ERC2: variants seen among roughly 807,000 people sequenced by gnomAD.
The protein encoded by ERC2 is ELKS/RAB6-interacting/CAST family member 2, also known as ERC protein 2.
A neutral mutation model predicts 114.8 loss-of-function variants in ERC2; 42 were observed. That is an observed-to-expected ratio of 0.37 (90% CI 0.29 to 0.47). The LOEUF (loss-of-function observed/expected upper bound fraction) is 0.47, where lower values mean the gene tolerates loss of function less well. Among genes scored for constraint, ERC2 ranks in the 20% least tolerant of loss-of-function variants. The pLI is 0.99. For missense variants in ERC2, 939 were observed against 1,150.7 expected, an observed-to-expected ratio of 0.82 and a Z score of 2.66; for synonymous variants, 454 against 425.5, an observed-to-expected ratio of 1.07 and a Z score of -0.82.
At chr3:55,718,004 G>C (rs1326601063) in intron 15 of ERC2, among the ~76,000 whole-genome samples, 1 of 152,134 alleles carries the variant, frequency 6.6e-6, no homozygotes, top group East Asian at 1.9e-4. Flanking sequence ...GGAGATGTCG[G>C]GATAATTTTG....
chr3:55,876,092 G>A (rs1465438894), intron 14 of ERC2, among the ~76,000 whole-genome samples: 1 of 152,166 alleles, frequency 6.6e-6, no homozygotes, highest in Non-Finnish European at 1.5e-5. Flanking sequence ...TTTATTGAAT[G>A]TTTAGGAGGG....
chr3:55,856,376 T>C (rs889911534), intron 14 of ERC2, among the ~76,000 whole-genome samples: 1 of 152,230 alleles, frequency 6.6e-6, no homozygotes, highest in Non-Finnish European at 1.5e-5. Flanking sequence ...ACTCGTCCAA[T>C]GCAGAACAGA....
chr3:56,441,304 C>T (rs2062294757), intron 1 of ERC2, among the ~76,000 whole-genome samples: 1 of 152,176 alleles, frequency 6.6e-6, no homozygotes, highest in Non-Finnish European at 1.5e-5. Flanking sequence ...CAGCCCAGCC[C>T]AGCCACCGTC....
At chr3:56,211,473 C>T (rs1377266285) in intron 3 of ERC2, among the ~76,000 whole-genome samples, 1 of 152,040 alleles carries the variant, frequency 6.6e-6, no homozygotes, top group Non-Finnish European at 1.5e-5. Flanking sequence ...CAAATGGAAA[C>T]ATATCCCATG....
At chr3:56,233,143 G>A (rs1222455204) in intron 3 of ERC2, among the ~76,000 whole-genome samples, 5 of 152,222 alleles carry the variant, frequency 3.3e-5, no homozygotes, top group African/African-American at 1.2e-4. Flanking sequence ...AGTGCCTGTA[G>A]ATGCTCAATC....
intron 16 of ERC2, among the ~76,000 whole-genome samples, chr3:55,693,772 G>A (rs1402844939): frequency 1.3e-5 from 2 of 151,544 alleles, no homozygotes; most frequent in South Asian, 2.1e-4. Context: ...GCAATGGCGC[G>A]ATCTCAGCTC....
intron 16 of ERC2, among the ~76,000 whole-genome samples, chr3:55,695,241 T>C (rs2062866752): frequency 6.6e-6 from 1 of 152,234 alleles, no homozygotes. Flanking sequence ...TTGGACTTTA[T>C]TGTTTCTCAA....
At chr3:56,107,520 A>G (rs560437861) in intron 6 of ERC2, among the ~76,000 whole-genome samples, 1 of 152,220 alleles carries the variant, frequency 6.6e-6, no homozygotes, top group South Asian at 2.1e-4. Context: ...CCTCATCTGA[A>G]AAAATGATGG....
intron 14 of ERC2, chr3:55,852,444 G>A (rs2061612922): frequency 6.5e-6 from 1 of 154,694 alleles, no homozygotes; most frequent in Admixed American, 6.6e-5. Context: ...TAACAGAAGA[G>A]GCACAACAGC....
chr3:56,310,607 G>A (rs1004779156), intron 2 of ERC2, among the ~76,000 whole-genome samples: 4 of 135,986 alleles, frequency 2.9e-5, no homozygotes, highest in African/African-American at 1.1e-4. Flanking sequence ...TCTAGTCCTT[G>A]CTACTTTAAA....
intron 17 of ERC2, among the ~76,000 whole-genome samples, chr3:55,610,136 CCAGA>C (rs1391451569): frequency 4.0e-4 from 60 of 149,966 alleles, no homozygotes; most frequent in Non-Finnish European, 7.4e-5. Context: ...AAGTTTTGGG[CCAGA>C]CAATTATTTG....
At chr3:56,285,032 T>TACACAC (rs10575135) in intron 3 of ERC2, among the ~76,000 whole-genome samples, 156 of 106,866 alleles carry the variant, frequency 1.5e-3, no homozygotes, top group African/African-American at 3.6e-3. Flanking sequence ...CACACACACA[T>TACACAC]ACACACACAC....
intron 17 of ERC2, among the ~76,000 whole-genome samples, chr3:55,583,399 TTTCC>T (rs568033136): frequency 0.13 from 11,311 of 86,376 alleles, 839 homozygotes; most frequent in Middle Eastern, 0.17. Context: ...TCCTTCCTTC[TTTCC>T]TTCCTTCCTT....
intron 6 of ERC2, among the ~76,000 whole-genome samples, chr3:56,126,820 G>GGAAAGGAAAC: frequency 6.8e-6 from 1 of 147,396 alleles, no homozygotes; most frequent in Non-Finnish European, 1.5e-5. Context: ...GGAAAGGAAA[G>GGAAAGGAAAC]GAAAGGAAAG....
intron 13 of ERC2, 140 bp from the exon 14 acceptor site, chr3:55,888,689 C>T (rs1002917874): frequency 1.0e-6 from 1 of 988,196 alleles, no homozygotes. Flanking sequence ...GGAGCCCTTT[C>T]TTTCTTTGTC....
intron 14 of ERC2, among the ~76,000 whole-genome samples, chr3:55,760,450 G>T (rs2067356513): frequency 6.6e-6 from 1 of 152,102 alleles, no homozygotes; most frequent in African/African-American, 2.4e-5. Flanking sequence ...CTTCACTTTA[G>T]TTCAGAAACA....
At chr3:55,744,463 G>C (rs996260762) in intron 14 of ERC2, among the ~76,000 whole-genome samples, 1 of 152,084 alleles carries the variant, frequency 6.6e-6, no homozygotes, top group African/African-American at 2.4e-5. Flanking sequence ...CAAACAAAAA[G>C]AAGTGCAACT....
chr3:55,580,554 G>A (rs1352001386), intron 17 of ERC2, among the ~76,000 whole-genome samples: 2 of 152,100 alleles, frequency 1.3e-5, no homozygotes, highest in South Asian at 4.1e-4. Context: ...GCTTTCATAA[G>A]GGTGCTGGCT....
chr3:55,749,703 G>A (rs1575476656), intron 14 of ERC2, among the ~76,000 whole-genome samples: 1 of 152,142 alleles, frequency 6.6e-6, no homozygotes, highest in African/African-American at 2.4e-5. Context: ...GAACATGGGC[G>A]GGGACAATAA....
Sources: gnomAD v4.1 joint callset for allele counts (sites outside exome capture counted in the v4.1 genomes callset) on GRCh38, gnomAD v4.1.1 for gene constraint, MANE v1.5 for transcripts, NCBI Gene and HGNC (gene_info 2026-07-23, HGNC 2026-07-21) for gene names.